The following CCDC175 variants were observed in gnomAD, a reference collection of about 807,000 sequenced individuals.
The protein encoded by CCDC175 is coiled-coil domain-containing protein 175.
CCDC175 carries 100 observed loss-of-function variants against 114.6 expected under a neutral mutation model. The ratio of observed to expected loss-of-function variants is 0.87; its 90% CI spans 0.74 to 1.03. CCDC175 has a LOEUF of 1.03. Among genes scored for constraint, CCDC175 ranks in the 50% least tolerant of loss-of-function variants. CCDC175 has a pLI of 0.00. For synonymous variants in CCDC175, 306 were observed against 308.7 expected, an observed-to-expected ratio of 0.99 and a Z score of 0.09; for missense variants, 880 against 917.8, an observed-to-expected ratio of 0.96 and a Z score of 0.53.
Position 59,551,374 on chromosome 14 carries a change from A to T in CCDC175, c.1016T>A (p.Phe339Tyr). The T allele has an allele frequency of 7.0e-7, 1 of 1,426,278 alleles. No individual in the cohort carries two copies. The highest frequency in any genetic ancestry group is 1.4e-5 in the African/African-American group (1 of 69,436). 88.4% of individuals were successfully genotyped at this position (1,426,278 alleles called of 1,614,324 possible). A position where few individuals can be genotyped will look rare whatever the true frequency, so the allele number is the denominator to read the frequency against. Residue 339 changes from phenylalanine (F) to tyrosine (Y), a missense_variant, in exon 8 of 20, where the codon TTC (phenylalanine) becomes TAC (tyrosine). By Grantham distance (22) the Phe-to-Tyr change is conservative. Transcript: ENST00000537690. Reference sequence around the variant, plus strand: ...TCTTACCTGTTTTATCTTGTTCAGGAATTCATTTTTTTCATCATTAGATAT... The same window carrying T: ...TCTTACCTGTTTTATCTTGTTCAGGTATTCATTTTTTTCATCATTAGATAT... ...DDISNDEKNEFLNKIKQLVET... is the reference protein window; with the variant it reads ...DDISNDEKNEYLNKIKQLVET...
intron 16 of CCDC175, among the ~76,000 whole-genome samples, chr14:59,523,790 C>T (rs1893563980): frequency 6.6e-6 from 1 of 152,098 alleles, no homozygotes. Flanking sequence ...GAGATCGAGA[C>T]CATCCTGGCT....
At chr14:59,513,078 A>G (rs1458685444) in intron 17 of CCDC175, among the ~76,000 whole-genome samples, 1 of 152,226 alleles carries the variant, frequency 6.6e-6, no homozygotes, top group East Asian at 1.9e-4. Flanking sequence ...CAATGGCAAA[A>G]GCATAGTCTT....
intron 19 of CCDC175, among the ~76,000 whole-genome samples, chr14:59,507,456 A>C (rs1239016156): frequency 6.6e-6 from 1 of 152,210 alleles, no homozygotes; most frequent in East Asian, 1.9e-4. Context: ...CAAAGTGCCC[A>C]ATGTTAATGA....
intron 14 of CCDC175, among the ~76,000 whole-genome samples, chr14:59,528,350 G>C (rs1893869931): frequency 6.6e-6 from 1 of 151,890 alleles, no homozygotes; most frequent in Non-Finnish European, 1.5e-5. Context: ...TTGTTTTGGG[G>C]ATTTGCTTGG....
Position 59,509,861 on chromosome 14 carries a change from T to A in CCDC175, c.2305+785A>T, listed in dbSNP as rs184380570. On this transcript the variant is annotated intron_variant, in intron 19 of 19. Coordinates refer to ENST00000537690, the MANE Select transcript of CCDC175 (RefSeq NM_001164399.2). ...TCTACATCCTACCTTCAAAATTGCTTATCTAGTGATTATGCTCTTTAAAAT... is the reference window on the plus strand; with the variant it reads ...TCTACATCCTACCTTCAAAATTGCTAATCTAGTGATTATGCTCTTTAAAAT... Among the ~76,000 whole-genome samples the A allele has an allele frequency of 5.1e-3, 771 of 152,302 alleles. 4 individuals carry two copies. The highest frequency in any genetic ancestry group is 0.018 in the African/African-American group (729 of 41,556).
At chr14:59,528,042 G>A (rs1052453076) in intron 14 of CCDC175, among the ~76,000 whole-genome samples, 2 of 151,882 alleles carry the variant, frequency 1.3e-5, no homozygotes, top group Non-Finnish European at 2.9e-5. Flanking sequence ...GACATCTTCA[G>A]GAAAAAGAGT....
At chr14:59,570,837 G>A (rs1896810020) in intron 3 of CCDC175, among the ~76,000 whole-genome samples, 4 of 152,274 alleles carry the variant, frequency 2.6e-5, no homozygotes, top group African/African-American at 7.2e-5. Flanking sequence ...TGCCTCCCGG[G>A]TTCAAGCAAT....
At chr14:59,572,110 G>C (rs1896879511) in intron 3 of CCDC175, among the ~76,000 whole-genome samples, 2 of 152,082 alleles carry the variant, frequency 1.3e-5, no homozygotes, top group South Asian at 4.1e-4. Context: ...TTGGATAAGG[G>C]ATGCTCAACC....
intron 19 of CCDC175, among the ~76,000 whole-genome samples, chr14:59,508,425 C>CACACACACACAG (rs1892561680): frequency 6.6e-6 from 1 of 150,570 alleles, no homozygotes; most frequent in South Asian, 2.2e-4. Context: ...CACACACACA[C>CACACACACACAG]ACACACACAC....
chr14:59,529,930 T>G (rs1893964298), intron 14 of CCDC175, among the ~76,000 whole-genome samples: 1 of 152,226 alleles, frequency 6.6e-6, no homozygotes, highest in Non-Finnish European at 1.5e-5. Flanking sequence ...TCCTCTCTTT[T>G]ATCTACTTTC....
intron 4 of CCDC175, among the ~76,000 whole-genome samples, chr14:59,565,751 A>C (rs1420384220): frequency 6.6e-6 from 1 of 152,194 alleles, no homozygotes; most frequent in Admixed American, 6.5e-5. Flanking sequence ...GGAAACACAA[A>C]ACAAGCATCA....
At chr14:59,557,372 A>C (rs1009280551) in intron 7 of CCDC175, among the ~76,000 whole-genome samples, 5 of 150,954 alleles carry the variant, frequency 3.3e-5, no homozygotes, top group Non-Finnish European at 7.4e-5. Context: ...AAGGACAAAA[A>C]ACCAAACATC....
intron 13 of CCDC175, among the ~76,000 whole-genome samples, chr14:59,536,303 C>G (rs1351079598): frequency 6.6e-6 from 1 of 152,054 alleles, no homozygotes; most frequent in Non-Finnish European, 1.5e-5. Context: ...GCCTTATATT[C>G]AGAGCTGGAC....
intron 8 of CCDC175, 100 bp from the exon 9 acceptor site, chr14:59,545,399 T>G: frequency 1.0e-6 from 1 of 993,364 alleles, no homozygotes; most frequent in Non-Finnish European, 1.4e-6. Context: ...GGGATATTGC[T>G]TAGCCCACCG....
intron 6 of CCDC175, 71 bp from the exon 7 acceptor site, chr14:59,561,299 C>G (rs1000478342): frequency 2.4e-5 from 17 of 721,374 alleles, no homozygotes; most frequent in African/African-American, 8.8e-5. Context: ...TTCAATTCCA[C>G]TCAATATTCA....
chr14:59,506,795 C>T (rs1234946422), intron 19 of CCDC175, among the ~76,000 whole-genome samples: 1 of 151,942 alleles, frequency 6.6e-6, no homozygotes, highest in Non-Finnish European at 1.5e-5. Context: ...GTATCAAGCC[C>T]CTCATCACAA....
chr14:59,570,741 T>TTG (rs1555348841), intron 3 of CCDC175, among the ~76,000 whole-genome samples: 2 of 151,470 alleles, frequency 1.3e-5, no homozygotes, highest in South Asian at 2.1e-4. Flanking sequence ...TCTCTTTTGT[T>TTG]TTTGTTTGTT....
chr14:59,560,279 T>C (rs1896150864), intron 7 of CCDC175, among the ~76,000 whole-genome samples: 1 of 152,168 alleles, frequency 6.6e-6, no homozygotes, highest in African/African-American at 2.4e-5. Context: ...ATAACAAGAT[T>C]CTACATGTGA....
At chr14:59,556,129 C>G (rs939169840) in intron 7 of CCDC175, among the ~76,000 whole-genome samples, 1 of 152,088 alleles carries the variant, frequency 6.6e-6, no homozygotes, top group Non-Finnish European at 1.5e-5. Context: ...TCATATGGAA[C>G]CAAAAAAGAG....
Sources: gnomAD v4.1 joint callset for allele counts (sites outside exome capture counted in the v4.1 genomes callset) on GRCh38, gnomAD v4.1.1 for gene constraint, MANE v1.5 for transcripts, NCBI Gene and HGNC (gene_info 2026-07-23, HGNC 2026-07-21) for gene names.